Variants in IFT81 observed in about 807,000 individuals in gnomAD.
IFT81 encodes the protein intraflagellar transport 81.
Under a neutral mutation model 102.6 loss-of-function variants are expected in IFT81, and 72 were observed. That is an observed-to-expected ratio of 0.70 (90% CI 0.58 to 0.85). The LOEUF is 0.85. Ranked by LOEUF, IFT81 falls within the 40% of genes least tolerant of loss-of-function variation. The pLI, the probability that IFT81 is intolerant of heterozygous loss-of-function variation, is 0.00. For synonymous variants in IFT81, 237 were observed against 242.7 expected (o/e 0.98, Z 0.22); for missense variants, 723 against 787.3 (o/e 0.92, Z 0.98).
chr12:110,163,890 A>T (rs1896295619), intron 11 of IFT81, among the ~76,000 whole-genome samples: 2 of 152,060 alleles, frequency 1.3e-5, no homozygotes. Context: ...CTGGGATTAC[A>T]GGTGTGAGCC....
intron 11 of IFT81, among the ~76,000 whole-genome samples, chr12:110,172,331 CTCTGCCTCT>C (rs962537511): frequency 2.6e-5 from 4 of 151,804 alleles, no homozygotes; most frequent in Admixed American, 6.6e-5. Flanking sequence ...CCTCTGCCTC[CTCTGCCTCT>C]GCCTCTGCCT....
intron 18 of IFT81, among the ~76,000 whole-genome samples, chr12:110,212,537 T>TA (rs71083109): frequency 0.022 from 2,601 of 119,882 alleles, 27 homozygotes; most frequent in Middle Eastern, 0.056. Context: ...AACTGTGTCT[T>TA]AAAAAAAAAA....
chr12:110,217,327 G>C (rs1870262880), intron 18 of IFT81, among the ~76,000 whole-genome samples: 1 of 152,110 alleles, frequency 6.6e-6, no homozygotes, highest in Non-Finnish European at 1.5e-5. Flanking sequence ...TTACAGTCGT[G>C]AGCCACCATG....
intron 18 of IFT81, among the ~76,000 whole-genome samples, chr12:110,215,346 T>C (rs2137618468): frequency 1.3e-5 from 2 of 152,096 alleles, no homozygotes; most frequent in East Asian, 3.9e-4. Flanking sequence ...TTTCGTTCTA[T>C]GTGCACTTTC....
chr12:110,216,359 A>AT (rs1348943259), intron 18 of IFT81, among the ~76,000 whole-genome samples: 2 of 151,634 alleles, frequency 1.3e-5, no homozygotes, highest in Non-Finnish European at 2.9e-5. Flanking sequence ...TGCCCAGATA[A>AT]TTTTTTAATT....
chr12:110,153,782 T>G (rs1165546337), intron 10 of IFT81, among the ~76,000 whole-genome samples: 1 of 151,302 alleles, frequency 6.6e-6, no homozygotes, highest in East Asian at 2.0e-4. Flanking sequence ...GCTAATTTTT[T>G]ATTTTTGGTA....
intron 8 of IFT81, among the ~76,000 whole-genome samples, chr12:110,137,449 C>T (rs1231784068): frequency 2.6e-5 from 4 of 152,058 alleles, no homozygotes; most frequent in Non-Finnish European, 4.4e-5. Flanking sequence ...AAGGACTTAG[C>T]ATGGCTGGGC....
intron 10 of IFT81, among the ~76,000 whole-genome samples, chr12:110,152,895 C>T (rs1467788278): frequency 6.6e-6 from 1 of 152,150 alleles, no homozygotes; most frequent in African/African-American, 2.4e-5. Flanking sequence ...CTGGCTTATT[C>T]GGGATGTTAA....
chr12:110,215,279 C>T (rs1869931854), intron 18 of IFT81, among the ~76,000 whole-genome samples: 1 of 151,588 alleles, frequency 6.6e-6, no homozygotes, highest in South Asian at 2.1e-4. Flanking sequence ...GCTTTTCTGT[C>T]CCTCTTGGTG....
intron 10 of IFT81, among the ~76,000 whole-genome samples, chr12:110,156,436 TTAGCTTTTGCTTATCTGGGAATG>T (rs1257570347): frequency 2.0e-5 from 3 of 151,830 alleles, no homozygotes; most frequent in Admixed American, 6.6e-5. Flanking sequence ...ACAAACTCCC[TTAGCTTTTGCTTATCTGGGAATG>T]TAGCTTTTGT....
chr12:110,139,866 T>TAAAATAAAAAATAAAATAAA (rs1477964163), intron 8 of IFT81, among the ~76,000 whole-genome samples: 1 of 130,092 alleles, frequency 7.7e-6, no homozygotes, highest in Non-Finnish European at 1.6e-5. Context: ...TAAAATAAAA[T>TAAAATAAAAAATAAAATAAA]ATAAAATAAA....
At chr12:110,148,189 T>C (rs568748836) in intron 10 of IFT81, among the ~76,000 whole-genome samples, 1 of 152,292 alleles carries the variant, frequency 6.6e-6, no homozygotes, top group South Asian at 2.1e-4. Flanking sequence ...TCCCATGATA[T>C]TTCTAACAGT....
chr12:110,162,279 G>A (rs1896174292), intron 10 of IFT81: 1 of 150,864 alleles, frequency 6.6e-6, no homozygotes, highest in Non-Finnish European at 1.5e-5. Flanking sequence ...CTTGAACTAG[G>A]ATGTATTTTC....
intron 7 of IFT81, 44 bp from the exon 8 acceptor site, chr12:110,136,732 C>A: frequency 8.6e-7 from 1 of 1,169,296 alleles, no homozygotes; most frequent in Non-Finnish European, 1.2e-6. Flanking sequence ...GAGAGGTAAG[C>A]TTCAGTAGAC....
At chr12:110,163,614 C>CTT (rs895090240) in intron 11 of IFT81, among the ~76,000 whole-genome samples, 37 of 126,106 alleles carry the variant, frequency 2.9e-4, no homozygotes, top group Non-Finnish European at 3.9e-4. Flanking sequence ...CAAATTTTCA[C>CTT]TTTTTTTTTT....
chr12:110,209,399 A>G (rs1232631523), intron 18 of IFT81, among the ~76,000 whole-genome samples, 183 bp downstream of exon 18: 1 of 152,190 alleles, frequency 6.6e-6, no homozygotes, highest in African/African-American at 2.4e-5. Context: ...TAAAGTCACG[A>G]TGGATTTTTG....
intron 11 of IFT81, among the ~76,000 whole-genome samples, chr12:110,172,531 C>G (rs1190272040): frequency 1.3e-5 from 2 of 152,160 alleles, no homozygotes; most frequent in African/African-American, 4.8e-5. Flanking sequence ...CAATTGCAGG[C>G]GCGCGCCGCC....
Position 110,209,226 on chromosome 12 carries a change from A to G in IFT81, c.1848+10A>G, listed in dbSNP as rs1475766629. 1.4e-6 allele frequency: 2 copies of G among 1,446,488 alleles called. No homozygotes were observed. Among genetic ancestry groups the G allele is most frequent in the East Asian group, 4.6e-5 (2 of 43,208 alleles). The allele number at this position is 1,446,488 out of a possible 1,614,324, so 89.6% of individuals were successfully genotyped here. On this transcript the variant is annotated intron_variant, in intron 18 of 18. Coordinates refer to ENST00000242591, the MANE Select transcript of IFT81 (RefSeq NM_014055.4). The stretch of plus-strand genomic sequence containing the variant: ...AGAAAACCTTGGAAAGGTAAGAATT[A>G]TTATTTATTTTTTTAAATGTGTCTA...
At chr12:110,141,280 C>T (rs1007756575) in intron 8 of IFT81, among the ~76,000 whole-genome samples, 5 of 152,042 alleles carry the variant, frequency 3.3e-5, no homozygotes, top group South Asian at 2.1e-4. Context: ...TCAGGTGATT[C>T]GCCTGCCTTG....
Sources: allele counts gnomAD v4.1 joint callset (sites outside exome capture counted in the v4.1 genomes callset), GRCh38; gene constraint gnomAD v4.1.1; transcripts MANE v1.5; gene names NCBI Gene and HGNC (gene_info 2026-07-23, HGNC 2026-07-21).